Variants in MCUB observed in about 807,000 individuals in gnomAD.
MCUB encodes the protein calcium uniporter regulatory subunit MCUb, mitochondrial.
MCUB carries 46 observed loss-of-function variants against 41.4 expected under a neutral mutation model. The ratio of observed to expected loss-of-function variants is 1.11; its 90% CI spans 0.88 to 1.42. MCUB has a LOEUF of 1.42. Ranked by LOEUF, MCUB falls within the 40% of genes most tolerant of loss-of-function variation. The pLI, the probability that MCUB is intolerant of heterozygous loss-of-function variation, is 0.00. For synonymous variants in MCUB, 148 were observed against 148.2 expected, an observed-to-expected ratio of 1.00 and a Z score of 0.01; for missense variants, 403 against 404.9, an observed-to-expected ratio of 1.00 and a Z score of 0.04.
chr4:109,624,805 C>T (rs1231153763), intron 1 of MCUB, among the ~76,000 whole-genome samples: 1 of 152,122 alleles, frequency 6.6e-6, no homozygotes, highest in Non-Finnish European at 1.5e-5. Flanking sequence ...TTGCTTGCTA[C>T]AGAGAAATAT....
At chr4:109,618,251 C>T (rs543027698) in intron 1 of MCUB, among the ~76,000 whole-genome samples, 1 of 152,348 alleles carries the variant, frequency 6.6e-6, no homozygotes, top group African/African-American at 2.4e-5. Flanking sequence ...GCTCCCATAT[C>T]AGGGAGCTGA....
At chr4:109,660,472 A>G in intron 3 of MCUB, 107 bp downstream of exon 3, 1 of 561,950 alleles carries the variant, frequency 1.8e-6, no homozygotes. Flanking sequence ...TTCATTAGAT[A>G]ATAAATGGTT....
intron 4 of MCUB, among the ~76,000 whole-genome samples, chr4:109,666,372 C>A (rs2126146284): frequency 6.6e-6 from 1 of 152,294 alleles, no homozygotes; most frequent in South Asian, 2.1e-4. Context: ...GTAAAACTGT[C>A]AAGCTGTCTT....
At chr4:109,666,677 C>T (rs910916406) in intron 4 of MCUB, among the ~76,000 whole-genome samples, 1 of 152,074 alleles carries the variant, frequency 6.6e-6, no homozygotes, top group Non-Finnish European at 1.5e-5. Flanking sequence ...TTTGGGATAA[C>T]GGTCTTGTAT....
intron 1 of MCUB, among the ~76,000 whole-genome samples, chr4:109,638,104 C>A (rs1730190055): frequency 6.6e-6 from 1 of 152,092 alleles, no homozygotes; most frequent in African/African-American, 2.4e-5. Flanking sequence ...GCCTGTAATC[C>A]CAGCACTTTG....
intron 7 of MCUB, among the ~76,000 whole-genome samples, chr4:109,686,548 G>A (rs1401106825): frequency 6.6e-6 from 1 of 152,174 alleles, no homozygotes; most frequent in Non-Finnish European, 1.5e-5. Context: ...TCCTATCTGA[G>A]AAGGCTAAGG....
At chr4:109,658,089 T>C (rs1332170269) in intron 1 of MCUB, among the ~76,000 whole-genome samples, 1 of 152,176 alleles carries the variant, frequency 6.6e-6, no homozygotes, top group African/African-American at 2.4e-5. Flanking sequence ...CGGCCTCCCA[T>C]AGTGCTAGGA....
At chr4:109,665,567 C>T (rs2126146052) in intron 4 of MCUB, among the ~76,000 whole-genome samples, 1 of 152,314 alleles carries the variant, frequency 6.6e-6, no homozygotes, top group East Asian at 1.9e-4. Flanking sequence ...AACCTCCATA[C>T]TCCCTTCATA....
At chr4:109,571,675 C>T (rs1726920598) in intron 1 of MCUB, among the ~76,000 whole-genome samples, 1 of 152,238 alleles carries the variant, frequency 6.6e-6, no homozygotes, top group Non-Finnish European at 1.5e-5. Context: ...ACAGGTCAAG[C>T]AGTAGCTCTG....
chr4:109,670,323 GTTGGGTTTTT>G (rs879398961), intron 4 of MCUB, among the ~76,000 whole-genome samples: 4,941 of 152,206 alleles, frequency 0.032, 268 homozygotes, highest in African/African-American at 0.11. Flanking sequence ...GGTTGCTGAA[GTTGGGTTTTT>G]CTTTTCCCCT....
intron 1 of MCUB, among the ~76,000 whole-genome samples, chr4:109,591,740 C>A (rs2126128702): frequency 1.3e-5 from 2 of 152,136 alleles, no homozygotes; most frequent in South Asian, 4.1e-4. Flanking sequence ...GCTCTGTCAC[C>A]CAGACTGGAG....
intron 1 of MCUB, among the ~76,000 whole-genome samples, chr4:109,583,033 C>G (rs954292911): frequency 2.0e-5 from 3 of 152,094 alleles, no homozygotes; most frequent in African/African-American, 7.2e-5. Flanking sequence ...TTAGGATTGT[C>G]TTGGCAATGT....
chr4:109,576,731 G>A (rs958418456), intron 1 of MCUB, among the ~76,000 whole-genome samples: 16 of 152,168 alleles, frequency 1.1e-4, no homozygotes, highest in Non-Finnish European at 2.2e-4. Context: ...AGATGTGGGC[G>A]CAGGGGAACC....
At chr4:109,617,391 C>T (rs1398992985) in intron 1 of MCUB, among the ~76,000 whole-genome samples, 2 of 152,168 alleles carry the variant, frequency 1.3e-5, no homozygotes, top group Non-Finnish European at 1.5e-5. Flanking sequence ...ATAAGGCTCC[C>T]CACACATTTC....
intron 1 of MCUB, among the ~76,000 whole-genome samples, chr4:109,647,051 T>A (rs1236170679): frequency 1.3e-5 from 2 of 152,204 alleles, no homozygotes; most frequent in East Asian, 3.8e-4. Context: ...AGTTTTAATT[T>A]CATAGCAAAA....
intron 1 of MCUB, among the ~76,000 whole-genome samples, chr4:109,576,493 A>G (rs923105294): frequency 1.6e-4 from 25 of 151,818 alleles, no homozygotes; most frequent in Non-Finnish European, 2.4e-4. Flanking sequence ...ATGCAAAAAC[A>G]ATAGTAGAAA....
At chr4:109,589,369 A>G (rs1289503768) in intron 1 of MCUB, among the ~76,000 whole-genome samples, 3 of 152,168 alleles carry the variant, frequency 2.0e-5, no homozygotes, top group Non-Finnish European at 4.4e-5. Flanking sequence ...ATAACTTTCC[A>G]GGGAGTTTAC....
chr4:109,597,568 T>A (rs1727599208), intron 1 of MCUB, among the ~76,000 whole-genome samples: 3 of 137,826 alleles, frequency 2.2e-5, no homozygotes, highest in Non-Finnish European at 4.7e-5. Flanking sequence ...GCTCCTCACT[T>A]CCCAGTAGGG....
At chr4:109,589,843 G>A (rs551166684) in intron 1 of MCUB, among the ~76,000 whole-genome samples, 3 of 152,270 alleles carry the variant, frequency 2.0e-5, no homozygotes, top group South Asian at 4.1e-4. Flanking sequence ...ACTTTTGTCC[G>A]TCTGCCTGAC....
Sources: gnomAD v4.1 joint callset for allele counts (sites outside exome capture counted in the v4.1 genomes callset) on GRCh38, gnomAD v4.1.1 for gene constraint, MANE v1.5 for transcripts, NCBI Gene and HGNC (gene_info 2026-07-23, HGNC 2026-07-21) for gene names.